Variants in ANKRA2 observed in about 807,000 individuals in gnomAD.
ANKRA2 encodes the protein ankyrin repeat family A protein 2.
A neutral mutation model predicts 37.8 loss-of-function variants in ANKRA2; 33 were observed. The observed-to-expected ratio is 0.87, with a 90% CI of 0.66 to 1.17. ANKRA2 has a LOEUF of 1.17. Ranked by LOEUF, ANKRA2 falls within the 50% of genes most tolerant of loss-of-function variation. The probability of loss-of-function intolerance (pLI) is 0.00; values close to 1 mark genes in which losing one functional copy is unlikely to be tolerated. For missense variants in ANKRA2, 326 were observed against 373.7 expected, an observed-to-expected ratio of 0.87 and a Z score of 1.05; for synonymous variants, 126 against 132.3, an observed-to-expected ratio of 0.95 and a Z score of 0.33.
chr5:73,560,232 A>G (rs1747510331), intron 3 of ANKRA2, among the ~76,000 whole-genome samples: 1 of 152,250 alleles, frequency 6.6e-6, no homozygotes. Context: ...GTATTTTAAT[A>G]TATGTTTACA....
chr5:73,562,127 GT>G (rs1747573275), intron 2 of ANKRA2, among the ~76,000 whole-genome samples: 2 of 151,966 alleles, frequency 1.3e-5, no homozygotes, highest in Non-Finnish European at 2.9e-5. Flanking sequence ...AGCAATTCTT[GT>G]ACCTCAGCCT....
At chr5:73,559,468 T>C (rs1197320415) in intron 3 of ANKRA2, among the ~76,000 whole-genome samples, 1 of 152,138 alleles carries the variant, frequency 6.6e-6, no homozygotes, top group African/African-American at 2.4e-5. Context: ...AAATAGGTGA[T>C]TTCATATTCA....
intron 2 of ANKRA2, 178 bp from the exon 3 acceptor site, chr5:73,561,466 C>CAAA: frequency 4.0e-6 from 2 of 496,476 alleles, no homozygotes; most frequent in Non-Finnish European, 6.6e-6. Context: ...AATGGTTAGT[C>CAAA]AAAAAAAAAA....
intron 4 of ANKRA2, 71 bp from the exon 5 acceptor site, chr5:73,555,656 G>C: frequency 1.5e-6 from 2 of 1,339,336 alleles, no homozygotes; most frequent in Non-Finnish European, 1.0e-6. Flanking sequence ...TGAAAAACTG[G>C]CATTCCAAAG....
chr5:73,564,527 T>C (rs1747659960), intron 1 of ANKRA2, among the ~76,000 whole-genome samples: 1 of 152,256 alleles, frequency 6.6e-6, no homozygotes, highest in Non-Finnish European at 1.5e-5. Flanking sequence ...ATTTTTTCCA[T>C]ATTCTTTTCT....
rs1747696662 is a variant in ANKRA2 at position 73,565,196 on chromosome 5, T to C, written c.-169A>G. 6.6e-6 allele frequency: 1 copy of C among 152,004 alleles called. No individual in the cohort carries two copies. Among genetic ancestry groups the C allele is most frequent in the African/African-American group, 2.4e-5 (1 of 41,356 alleles). The allele number at this position is 152,004 out of a possible 1,614,324, so 9.4% of individuals were successfully genotyped here. ...TGTCTCCCGCTGGAGGGGAGACTCT[T>C]GCAGGAAAGAAAGTCCGTTCTGTCG... On this transcript the variant is annotated 5_prime_UTR_variant, in exon 1 of 9. Transcript: ENST00000296785.
At chr5:73,559,936 T>A (rs973331389) in intron 3 of ANKRA2, among the ~76,000 whole-genome samples, 12 of 151,780 alleles carry the variant, frequency 7.9e-5, no homozygotes, top group East Asian at 7.7e-4. Flanking sequence ...TTAAAAAAAA[T>A]TTTTTTTGGT....
chr5:73,553,623 G>A, intron 7 of ANKRA2, 137 bp from the exon 8 acceptor site: 1 of 677,640 alleles, frequency 1.5e-6, no homozygotes, highest in Non-Finnish European at 2.5e-6. Context: ...AGTACAGAGT[G>A]CATGGGGTAC....
intron 3 of ANKRA2, among the ~76,000 whole-genome samples, chr5:73,559,752 CTATT>C (rs1747495889): frequency 1.3e-5 from 2 of 152,026 alleles, no homozygotes; most frequent in African/African-American, 4.8e-5. Context: ...AACACATGAA[CTATT>C]TATTTATTAT....
chr5:73,554,636 T>C (rs1732051208), intron 6 of ANKRA2, among the ~76,000 whole-genome samples: 1 of 152,226 alleles, frequency 6.6e-6, no homozygotes, highest in Non-Finnish European at 1.5e-5. Flanking sequence ...GGTCTCACTC[T>C]GTCACCCAGG....
chr5:73,553,527 G>A, intron 7 of ANKRA2, 41 bp from the exon 8 acceptor site: 1 of 1,508,264 alleles, frequency 6.6e-7, no homozygotes, highest in East Asian at 2.3e-5. Context: ...AAATGAAAAT[G>A]CAGATATGTT....
In ANKRA2 at chr5:73,555,475, G is replaced by T. The variant is rs1426590481; in HGVS notation, c.612+13C>A. The T allele has an allele frequency of 6.2e-7, 1 of 1,612,006 alleles. No individual in the cohort carries two copies. Among genetic ancestry groups the T allele is most frequent in the Non-Finnish European group, 8.5e-7 (1 of 1,178,352 alleles). ...TAACTATACATATACATTTTCTGAG[G>T]CATTTTCCTTACATTCTGAAGTAGG... On this transcript the variant is annotated intron_variant, in intron 5 of 8. Coordinates refer to ENST00000296785, the MANE Select transcript of ANKRA2 (RefSeq NM_023039.5).
At chr5:73,562,554 A>C in intron 2 of ANKRA2, 39 bp downstream of exon 2, 1 of 1,527,526 alleles carries the variant, frequency 6.5e-7, no homozygotes, top group Non-Finnish European at 8.8e-7. Flanking sequence ...ATATACAAAA[A>C]CAAAAACAAA....
In ANKRA2 at chr5:73,562,855, A is replaced by C. The variant is rs1051989199; in HGVS notation, c.27T>G (p.Ile9Met). 2 of 1,611,484 alleles carry C rather than the reference A, an allele frequency of 1.2e-6. No individual in the cohort carries two copies. Among genetic ancestry groups the C allele is most frequent in the African/African-American group, 2.7e-5 (2 of 74,994 alleles). The change falls in exon 2 of 9, where the codon ATT becomes ATG. Residue 9 changes from isoleucine (I) to methionine (M), a missense_variant. Ile to Met is a conservative substitution (Grantham distance 10, BLOSUM62 1). Around this residue, in one of 3 missense-constraint regions of ANKRA2, gnomAD observed 93 missense variants for 91.1 expected, o/e 1.02. Transcript: ENST00000296785. MDTSTNLD[I>M]GAQLIVEECP... ...ACTCTTCCACGATAAGCTGGGCTCC[A>C]ATATCCAGATTTGTTGATGTATCCA...
intron 3 of ANKRA2, 97 bp from the exon 4 acceptor site, chr5:73,557,737 AC>A: frequency 1.4e-6 from 1 of 739,358 alleles, no homozygotes; most frequent in Non-Finnish European, 2.2e-6. Context: ...CTTTTCCAAA[AC>A]AAAAACTACA....
chr5:73,562,893 T>A lies in ANKRA2; in HGVS notation c.-12A>T, dbSNP rs754800724. On this transcript the variant is annotated 5_prime_UTR_variant, in exon 2 of 9. Coordinates refer to ENST00000296785, the MANE Select transcript of ANKRA2 (RefSeq NM_023039.5). ...GTTGATGTATCCATGATTTCAACTG[T>A]AGTTTCAATAACTAAAACATTTCTT... 1 of 1,581,460 alleles carries A rather than the reference T, an allele frequency of 6.3e-7. No homozygotes were observed.
Position 73,553,445 on chromosome 5 carries a change from T to G in ANKRA2, c.847A>C (p.Asn283His), listed in dbSNP as rs1405509445. Residue 283 changes from asparagine (N) to histidine (H), a missense_variant, in exon 8 of 9, where the codon AAT (asparagine) becomes CAT (histidine). This residue lies in a region of ANKRA2 where 228 missense variants were observed against 260.2 expected (regional missense o/e 0.88). Transcript: ENST00000296785. The stretch of plus-strand genomic sequence containing the variant: ...AGGGCTACAGCTAGATCCATAGAAT[T>G]ATATCCAGAGTCAGTTTCAATTGTT... The part of the protein sequence containing the change: ...DPTIETDSGY[N>H]SMDLAVALGY... The G allele has an allele frequency of 6.2e-7, 1 of 1,613,572 alleles. No homozygotes were observed. The highest frequency in any genetic ancestry group is 1.3e-5 in the African/African-American group (1 of 75,042).
At chr5:73,556,148 T>C (rs1263729497) in intron 4 of ANKRA2, among the ~76,000 whole-genome samples, 2 of 152,226 alleles carry the variant, frequency 1.3e-5, no homozygotes, top group Non-Finnish European at 1.5e-5. Context: ...TAATGTTATG[T>C]GGATGACAGA....
chr5:73,562,470 G>T, intron 2 of ANKRA2, 123 bp downstream of exon 2: 1 of 918,084 alleles, frequency 1.1e-6, no homozygotes, highest in Non-Finnish European at 1.6e-6. Context: ...TGAGATTCCA[G>T]AAAATCATAT....
Sources: allele counts gnomAD v4.1 joint callset (sites outside exome capture counted in the v4.1 genomes callset), GRCh38; gene constraint gnomAD v4.1.1; regional missense constraint gnomAD v4.1.1; transcripts MANE v1.5; gene names NCBI Gene and HGNC (gene_info 2026-07-23, HGNC 2026-07-21).